SLC35D4: variants seen among roughly 807,000 people sequenced by gnomAD.
SLC35D4 encodes solute carrier family 35 member D4.
At chr18:23,242,170 C>T in the SLC35D4 span, among the ~76,000 whole-genome samples, 1 of 152,070 alleles carries the variant, frequency 6.6e-6, no homozygotes, top group Non-Finnish European at 1.5e-5. Context: ...CCTGGCTACT[C>T]AGGAGGCTGA....
At chr18:23,418,983 G>C in the SLC35D4 span, among the ~76,000 whole-genome samples, 1 of 151,682 alleles carries the variant, frequency 6.6e-6, no homozygotes, top group Non-Finnish European at 1.5e-5. Context: ...ACTCCAGCCT[G>C]GGTGACAGAG....
At chr18:23,389,474 C>T in the SLC35D4 span, among the ~76,000 whole-genome samples, 2 of 152,158 alleles carry the variant, frequency 1.3e-5, no homozygotes, top group African/African-American at 4.8e-5. Flanking sequence ...CTTTAAAGAC[C>T]CTTACTCTAC....
At chr18:23,282,512 A>C in the SLC35D4 span, among the ~76,000 whole-genome samples, 1 of 152,288 alleles carries the variant, frequency 6.6e-6, no homozygotes, top group African/African-American at 2.4e-5. Context: ...CAAGCCGCAG[A>C]ATGGCTTGGC....
At chr18:23,322,038 C>A in the SLC35D4 span, among the ~76,000 whole-genome samples, 1 of 152,196 alleles carries the variant, frequency 6.6e-6, no homozygotes, top group Non-Finnish European at 1.5e-5. Context: ...AACTCTTCTG[C>A]CTTCACTTGT....
At chr18:23,261,187 G>C in the SLC35D4 span, among the ~76,000 whole-genome samples, 1 of 152,200 alleles carries the variant, frequency 6.6e-6, no homozygotes, top group South Asian at 2.1e-4. Context: ...AGTACGGCTA[G>C]GTGTGGTGGC....
chr18:23,397,230 A>C, the SLC35D4 span, among the ~76,000 whole-genome samples: 1 of 152,206 alleles, frequency 6.6e-6, no homozygotes, highest in Non-Finnish European at 1.5e-5. Flanking sequence ...GGTTCAGGGA[A>C]GTCTTGAACC....
chr18:23,349,061 T>C, the SLC35D4 span, among the ~76,000 whole-genome samples: 3 of 152,358 alleles, frequency 2.0e-5, no homozygotes, highest in South Asian at 6.2e-4. Flanking sequence ...TGTTCCCCCA[T>C]ATATGTTGAA....
At chr18:23,259,757 G>A in the SLC35D4 span, 12 of 152,280 alleles carry the variant, frequency 7.9e-5, no homozygotes, top group Non-Finnish European at 1.3e-4. Context: ...CTTCGGCGAG[G>A]AGGAAGTCTG....
At chr18:23,273,771 G>C in the SLC35D4 span, among the ~76,000 whole-genome samples, 13 of 152,268 alleles carry the variant, frequency 8.5e-5, no homozygotes, top group African/African-American at 2.6e-4. Flanking sequence ...GCCAGTCACT[G>C]TGGAAAGCTC....
the SLC35D4 span, among the ~76,000 whole-genome samples, chr18:23,326,729 C>T: frequency 1.3e-5 from 2 of 152,294 alleles, no homozygotes; most frequent in East Asian, 1.9e-4. Context: ...AACTCTCCAC[C>T]CCAAATCAAC....
chr18:23,409,123 G>A, the SLC35D4 span, among the ~76,000 whole-genome samples: 1 of 150,674 alleles, frequency 6.6e-6, no homozygotes, highest in East Asian at 1.9e-4. Context: ...CAACAAGAGT[G>A]AAACTCCATC....
the SLC35D4 span, among the ~76,000 whole-genome samples, chr18:23,307,959 C>T: frequency 2.6e-5 from 4 of 151,916 alleles, no homozygotes; most frequent in South Asian, 4.1e-4. Flanking sequence ...CCCTGCTGAA[C>T]ACCACCCCAC....
At chr18:23,407,480 T>C in the SLC35D4 span, among the ~76,000 whole-genome samples, 1 of 151,982 alleles carries the variant, frequency 6.6e-6, no homozygotes, top group Non-Finnish European at 1.5e-5. Context: ...GTATCCTTAA[T>C]GTACGATAAA....
At chr18:23,352,304 G>C in the SLC35D4 span, 2 of 1,597,030 alleles carry the variant, frequency 1.3e-6, no homozygotes. Flanking sequence ...AAGGAGAAAA[G>C]ATTCTCTTGT....
At chr18:23,386,193 G>C in the SLC35D4 span, among the ~76,000 whole-genome samples, 2 of 151,668 alleles carry the variant, frequency 1.3e-5, no homozygotes, top group Non-Finnish European at 2.9e-5. Context: ...CCAATCCCTG[G>C]AACCTGTAAA....
At chr18:23,370,134 G>A in the SLC35D4 span, 29 of 1,242,192 alleles carry the variant, frequency 2.3e-5, no homozygotes, top group Middle Eastern at 2.6e-4. Context: ...AGCTGAGACC[G>A]CGCCATTGCA....
the SLC35D4 span, chr18:23,253,984 G>C: frequency 2.0e-6 from 3 of 1,530,204 alleles, no homozygotes; most frequent in Admixed American, 1.7e-5. Context: ...GCTCCGGTCC[G>C]GGGTTCCTCT....
the SLC35D4 span, among the ~76,000 whole-genome samples, chr18:23,270,656 C>A: frequency 1.3e-5 from 2 of 152,208 alleles, no homozygotes; most frequent in Non-Finnish European, 2.9e-5. Context: ...CTGTGGGAAC[C>A]CACCTCCTGC....
the SLC35D4 span, among the ~76,000 whole-genome samples, chr18:23,248,188 G>C: frequency 6.6e-6 from 1 of 152,194 alleles, no homozygotes; most frequent in Admixed American, 6.5e-5. Flanking sequence ...CAGGGAGTGT[G>C]GCGCAGGGGC....
Sources: allele counts gnomAD v4.1 joint callset (sites outside exome capture counted in the v4.1 genomes callset), GRCh38; gene constraint gnomAD v4.1.1; transcripts MANE v1.5; gene names NCBI Gene and HGNC (gene_info 2026-07-23, HGNC 2026-07-21).